ZDHHC8: variants seen among roughly 807,000 people sequenced by gnomAD.
ZDHHC8 encodes palmitoyltransferase ZDHHC8.
In ZDHHC8, 24 loss-of-function variants were observed where a neutral mutation model predicts 61.2. The ratio of observed to expected loss-of-function variants is 0.39; its 90% CI spans 0.28 to 0.55. The LOEUF (loss-of-function observed/expected upper bound fraction) is 0.55, where lower values mean the gene tolerates loss of function less well. ZDHHC8 is among the 20% of genes least tolerant of loss of function. The pLI is 0.60. For missense variants in ZDHHC8, 935 were observed against 1,102.1 expected (o/e 0.85, Z 2.15); for synonymous variants, 523 against 492.5 (o/e 1.06, Z -0.82).
At position 20,145,177 on chromosome 22, in the gene ZDHHC8, C is replaced by G; in HGVS notation, c.2127-52C>G. ...TGCTGCCTCCTCCGTCCTCTGTCCC[C>G]GTGTTCGTGTGTTCACCGTGTGCAT... On this transcript the variant is annotated intron_variant, in intron 10 of 10. Coordinates refer to ENST00000334554, the MANE Select transcript of ZDHHC8 (RefSeq NM_013373.4). 3.7e-6 allele frequency: 5 copies of G among 1,366,412 alleles called. No homozygotes were observed. The South Asian group carries it at 5.2e-5, about 14-fold the overall frequency. The allele number at this position is 1,366,412 out of a possible 1,614,324, so 84.6% of individuals were successfully genotyped here. A position where few individuals can be genotyped will look rare whatever the true frequency, so the allele number is the denominator to read the frequency against.
At chr22:20,136,300 A>C (rs965342768) in intron 1 of ZDHHC8, among the ~76,000 whole-genome samples, 1 of 152,078 alleles carries the variant, frequency 6.6e-6, no homozygotes, top group African/African-American at 2.4e-5. Flanking sequence ...CTGGACCCAG[A>C]CTACTGCCTG....
intron 1 of ZDHHC8, 45 bp downstream of exon 1, chr22:20,132,096 G>A: frequency 2.6e-6 from 3 of 1,132,328 alleles, no homozygotes; most frequent in East Asian, 5.0e-5. Flanking sequence ...GCGATGGGCA[G>A]GGCCCGCACA....
At chr22:20,135,249 C>A (rs2050409954) in intron 1 of ZDHHC8, among the ~76,000 whole-genome samples, 1 of 152,072 alleles carries the variant, frequency 6.6e-6, no homozygotes, top group South Asian at 2.1e-4. Flanking sequence ...CGGCCCCTTC[C>A]TATGTTTCTG....
intron 7 of ZDHHC8, 70 bp downstream of exon 7, chr22:20,141,082 G>T: frequency 5.6e-6 from 9 of 1,600,578 alleles, no homozygotes; most frequent in Non-Finnish European, 7.7e-6. Context: ...GGTTGGTGGG[G>T]GCCTAGAAGA....
At chr22:20,135,441 G>T (rs1230834958) in intron 1 of ZDHHC8, among the ~76,000 whole-genome samples, 1 of 152,226 alleles carries the variant, frequency 6.6e-6, no homozygotes. Context: ...GGCTGGGGCT[G>T]CCTGGCAGGC....
In ZDHHC8 at chr22:20,143,700, T is replaced by C. The variant is rs780419211; in HGVS notation, c.2070T>C (p.Ala690=). 19 of 1,610,582 alleles carry C rather than the reference T, an allele frequency of 1.2e-5. No homozygotes were observed. Among genetic ancestry groups the C allele is most frequent in the Admixed American group, 1.7e-5 (1 of 59,946 alleles). ...PHSPSYAGPK[A]VAFIHTDLPE... ...CACCATCCTACGCGGGCCCCAAAGC[T>C]GTCGCCTTCATCCACACGGACCTCC... Residue 690 remains alanine (A), a synonymous_variant, in exon 10 of 11, where the codon GCT becomes GCC. Transcript: ENST00000334554.
intron 1 of ZDHHC8, among the ~76,000 whole-genome samples, chr22:20,133,670 C>A (rs1197510428): frequency 6.8e-6 from 1 of 146,878 alleles, no homozygotes; most frequent in Admixed American, 7.0e-5. Flanking sequence ...CGGAGTGAGC[C>A]GAAATCGCAC....
Position 20,145,137 on chromosome 22 carries a change from G to A in ZDHHC8, c.2127-92G>A, listed in dbSNP as rs1259677020. The A allele has an allele frequency of 6.6e-6, 8 of 1,205,856 alleles. 1 individual carries two copies. Among genetic ancestry groups the A allele is most frequent in the Admixed American group, 2.9e-5 (1 of 34,052 alleles). 74.7% of individuals were successfully genotyped at this position (1,205,856 alleles called of 1,614,324 possible). On this transcript the variant is annotated intron_variant, in intron 10 of 10. Coordinates refer to ENST00000334554, the MANE Select transcript of ZDHHC8 (RefSeq NM_013373.4). ...AACTCGGCTGCACTAGTCCACGTCC[G>A]CGTCGTCTCTGTCTTGCTGCCTCCT... is the stretch of plus-strand genomic sequence containing the variant.
Position 20,147,100 on chromosome 22 carries a change from C to T in ZDHHC8, c.*1700C>T, listed in dbSNP as rs1421929155. ...GCCTCCTGGGCTGCACCTGTGCCAC[C>T]TTGGCCGCCCGGAGGACCGCCCACC... On this transcript the variant is annotated 3_prime_UTR_variant, in exon 11 of 11. Transcript: ENST00000334554. The T allele has an allele frequency of 2.0e-6, 3 of 1,531,810 alleles. No individual in the cohort carries two copies. In the Admixed American group the frequency reaches 6.1e-5, roughly 31 times the overall value. 94.9% of individuals were successfully genotyped at this position (1,531,810 alleles called of 1,614,324 possible). A position where few individuals can be genotyped will look rare whatever the true frequency, so the allele number is the denominator to read the frequency against.
intron 9 of ZDHHC8, 117 bp from the exon 10 acceptor site, chr22:20,142,639 G>A: frequency 1.5e-6 from 2 of 1,364,852 alleles, no homozygotes; most frequent in South Asian, 1.3e-5. Context: ...GGCTCTTATG[G>A]CTCCTTGAGG....
At chr22:20,132,911 A>G (rs966384526) in intron 1 of ZDHHC8, among the ~76,000 whole-genome samples, 4 of 152,104 alleles carry the variant, frequency 2.6e-5, no homozygotes, top group African/African-American at 9.7e-5. Context: ...ATCTTCAACC[A>G]CCCACCCCCC....
chr22:20,134,827 A>G (rs562634989), intron 1 of ZDHHC8, among the ~76,000 whole-genome samples: 1 of 152,302 alleles, frequency 6.6e-6, no homozygotes, highest in East Asian at 1.9e-4. Context: ...GGGTCTGGGC[A>G]TGGAAGGATG....
rs543758615 is a variant in ZDHHC8 at position 20,138,946 on chromosome 22, G to A, written c.105-248G>A. 2.8e-4 allele frequency among the ~76,000 whole-genome samples: 42 copies of A among 151,974 alleles called. No homozygotes were observed. In the South Asian group the frequency reaches 6.5e-3, roughly 23 times the overall value. ...TTAGGTCTGTGGGCCTCTCTGAGAC[G>A]GCTGCCCTGAGAGGTTGCCGGGTCA... On this transcript the variant is annotated intron_variant, in intron 1 of 10. Coordinates refer to ENST00000334554, the MANE Select transcript of ZDHHC8 (RefSeq NM_013373.4).
Position 20,145,547 on chromosome 22 carries a change from C to CA in ZDHHC8, c.*148dup. 7.7e-7 allele frequency: 1 copy of CA among 1,298,612 alleles called. No homozygotes were observed. The highest frequency in any genetic ancestry group is 9.8e-7 in the Non-Finnish European group (1 of 1,023,644). The allele number at this position is 1,298,612 out of a possible 1,614,324, so 80.4% of individuals were successfully genotyped here. ...TCGGCGGGAGAGAGTGCCACGCCTC[C>CA]ACAGCTTGCCCCAAGCGCTCTGCCT... On this transcript the variant is annotated 3_prime_UTR_variant, in exon 11 of 11. Transcript: ENST00000334554.
In ZDHHC8 at chr22:20,143,817, G is replaced by T. The variant is rs2050498381; in HGVS notation, c.2126+61G>T. 3 of 1,524,130 alleles carry T rather than the reference G, an allele frequency of 2.0e-6. No individual in the cohort carries two copies. In the East Asian group the frequency reaches 7.1e-5, roughly 36 times the overall value. 94.4% of individuals were successfully genotyped at this position (1,524,130 alleles called of 1,614,324 possible). A position where few individuals can be genotyped will look rare whatever the true frequency, so the allele number is the denominator to read the frequency against. On this transcript the variant is annotated intron_variant, in intron 10 of 10. Coordinates refer to ENST00000334554, the MANE Select transcript of ZDHHC8 (RefSeq NM_013373.4). ...CAGGGCAGCTGTCCAGCCGTCTCCA[G>T]GGCCCCTCTTGGCTGGGCACTCATA...
chr22:20,136,543 G>A (rs541389462), intron 1 of ZDHHC8, among the ~76,000 whole-genome samples: 1 of 152,326 alleles, frequency 6.6e-6, no homozygotes, highest in South Asian at 2.1e-4. Flanking sequence ...AGGGGCAGCC[G>A]AGCCGAGGCT....
Position 20,143,266 on chromosome 22 carries a change from A to G in ZDHHC8, c.1636A>G (p.Arg546Gly). Residue 546 changes from arginine to glycine, a missense_variant, in exon 10 of 11, where the codon AGG becomes GGG. Transcript: ENST00000334554. ...PSPVRYDNLS[R>G]TIMASIQERK... ...GCCTGTGCGCTACGACAACCTGTCCAGGACCATCATGGCATCCATCCAGGA... is the reference window on the plus strand; with the variant it reads ...GCCTGTGCGCTACGACAACCTGTCCGGGACCATCATGGCATCCATCCAGGA... The G allele has an allele frequency of 6.2e-7, 1 of 1,606,298 alleles. No individual in the cohort carries two copies. Among genetic ancestry groups the G allele is most frequent in the Non-Finnish European group, 8.5e-7 (1 of 1,179,454 alleles).
Position 20,147,580 on chromosome 22 carries a change from G to T in ZDHHC8, c.*2180G>T, listed in dbSNP as rs533827950. 132 of 220,686 alleles carry T rather than the reference G, an allele frequency of 6.0e-4. 5 individuals are homozygous for T. Among genetic ancestry groups the T allele is most frequent in the Non-Finnish European group, 1.1e-3 (123 of 113,048 alleles). The allele number at this position is 220,686 out of a possible 1,614,324, so 13.7% of individuals were successfully genotyped here. A position where few individuals can be genotyped will look rare whatever the true frequency, so the allele number is the denominator to read the frequency against. ...TCCGTGGGTTGGGCTGGGTGGGGGG[G>T]GGGTCTCAGGTTGCCCCTGAAGGTC... On this transcript the variant is annotated 3_prime_UTR_variant, in exon 11 of 11. Coordinates refer to ENST00000334554, the MANE Select transcript of ZDHHC8 (RefSeq NM_013373.4).
intron 1 of ZDHHC8, among the ~76,000 whole-genome samples, chr22:20,136,914 T>A (rs1216731210): frequency 1.3e-5 from 2 of 152,356 alleles, no homozygotes; most frequent in Non-Finnish European, 1.5e-5. Flanking sequence ...GGTGCCTGCG[T>A]GTGCTCCTCA....
Sources: allele counts gnomAD v4.1 joint callset (sites outside exome capture counted in the v4.1 genomes callset), GRCh38; gene constraint gnomAD v4.1.1; transcripts MANE v1.5; gene names NCBI Gene and HGNC (gene_info 2026-07-23, HGNC 2026-07-21).